CIMAP1D: variants seen among roughly 807,000 people sequenced by gnomAD.
CIMAP1D encodes the protein CIMAP1 family member D.
chr19:490,505 T>G, the CIMAP1D span, among the ~76,000 whole-genome samples: 1 of 152,268 alleles, frequency 6.6e-6, no homozygotes, highest in Non-Finnish European at 1.5e-5. Flanking sequence ...CAGAGCCCAG[T>G]GTGTATTTTG....
chr19:472,150 T>C, the CIMAP1D span, among the ~76,000 whole-genome samples: 1 of 152,216 alleles, frequency 6.6e-6, no homozygotes, highest in Non-Finnish European at 1.5e-5. Context: ...GTACAGGTAC[T>C]CACCTCCTTA....
At chr19:486,652 C>A in the CIMAP1D span, among the ~76,000 whole-genome samples, 3 of 151,782 alleles carry the variant, frequency 2.0e-5, no homozygotes, top group Non-Finnish European at 4.4e-5. Context: ...CGGTGGCTCA[C>A]GCCTGTAATC....
At chr19:475,454 A>T in the CIMAP1D span, among the ~76,000 whole-genome samples, 1 of 152,162 alleles carries the variant, frequency 6.6e-6, no homozygotes, top group Non-Finnish European at 1.5e-5. Context: ...ACGTGAGGGA[A>T]AACGCAGACA....
the CIMAP1D span, among the ~76,000 whole-genome samples, chr19:484,462 G>A: frequency 3.3e-5 from 5 of 152,258 alleles, no homozygotes; most frequent in African/African-American, 1.2e-4. Context: ...TTTTGACACA[G>A]GGTCTCATTC....
the CIMAP1D span, chr19:467,871 G>A: frequency 1.5e-6 from 1 of 682,382 alleles, no homozygotes; most frequent in Non-Finnish European, 2.5e-6. Context: ...CAGGTCAGAG[G>A]CCACCCCAGT....
the CIMAP1D span, among the ~76,000 whole-genome samples, chr19:483,979 G>A: frequency 6.6e-6 from 1 of 152,138 alleles, no homozygotes; most frequent in African/African-American, 2.4e-5. Flanking sequence ...GGTGACAGCT[G>A]TCCATCACTC....
At chr19:465,107 G>GAGGA in the CIMAP1D span, among the ~76,000 whole-genome samples, 1 of 101,672 alleles carries the variant, frequency 9.8e-6, no homozygotes, top group Admixed American at 1.1e-4. Flanking sequence ...GGGTGAGTGG[G>GAGGA]TGGATGGATG....
the CIMAP1D span, among the ~76,000 whole-genome samples, chr19:467,990 T>C: frequency 1.2e-3 from 181 of 152,314 alleles, no homozygotes; most frequent in Non-Finnish European, 2.1e-3. Flanking sequence ...GATTCTGCTC[T>C]GCTGCTGTTT....
the CIMAP1D span, chr19:463,759 C>A: frequency 6.6e-7 from 1 of 1,516,872 alleles, no homozygotes; most frequent in Non-Finnish European, 8.8e-7. Flanking sequence ...CCCAGCCCCT[C>A]TCGCCTTCTA....
chr19:463,826 G>A, the CIMAP1D span: 3 of 1,601,198 alleles, frequency 1.9e-6, no homozygotes, highest in South Asian at 2.2e-5. Context: ...CGTTCACTGT[G>A]TGGGAAACAG....
the CIMAP1D span, among the ~76,000 whole-genome samples, chr19:482,883 A>G: frequency 6.6e-6 from 1 of 151,920 alleles, no homozygotes; most frequent in Non-Finnish European, 1.5e-5. Context: ...GGCTATTCCC[A>G]CTTCACCTCC....
chr19:480,514 G>T, the CIMAP1D span, among the ~76,000 whole-genome samples: 67 of 102,036 alleles, frequency 6.6e-4, no homozygotes, highest in African/African-American at 4.0e-3. Context: ...GAAGGATGAT[G>T]GGGAAGGATG....
At chr19:486,905 C>T in the CIMAP1D span, among the ~76,000 whole-genome samples, 14 of 152,106 alleles carry the variant, frequency 9.2e-5, no homozygotes, top group African/African-American at 3.4e-4. Flanking sequence ...CAGAGCAAGA[C>T]TCCATCTCAA....
the CIMAP1D span, among the ~76,000 whole-genome samples, chr19:488,294 G>A: frequency 2.0e-5 from 3 of 151,678 alleles, no homozygotes; most frequent in African/African-American, 7.3e-5. Context: ...AGGCTGAGGC[G>A]GGCAGATCAC....
At chr19:466,911 ACGGG>A in the CIMAP1D span, among the ~76,000 whole-genome samples, 1 of 75,776 alleles carries the variant, frequency 1.3e-5, no homozygotes, top group Non-Finnish European at 2.5e-5. Flanking sequence ...GGGTGGATGG[ACGGG>A]TGGATAGATG....
chr19:466,517 T>G, the CIMAP1D span, among the ~76,000 whole-genome samples: 5 of 148,326 alleles, frequency 3.4e-5, no homozygotes, highest in Non-Finnish European at 7.5e-5. Flanking sequence ...GGTGGATGGA[T>G]GGGTGGATAG....
the CIMAP1D span, among the ~76,000 whole-genome samples, chr19:473,157 G>A: frequency 1.7e-5 from 2 of 117,884 alleles, no homozygotes; most frequent in African/African-American, 6.6e-5. Flanking sequence ...GGTCACAGAT[G>A]GGGAGACTGA....
the CIMAP1D span, among the ~76,000 whole-genome samples, chr19:487,598 AG>A: frequency 0.062 from 9,363 of 152,164 alleles, 596 homozygotes; most frequent in East Asian, 0.21. Flanking sequence ...TGAGCTCAGG[AG>A]GCGGAGGTTG....
chr19:464,103 G>C, the CIMAP1D span: 4 of 1,339,904 alleles, frequency 3.0e-6, no homozygotes, highest in Non-Finnish European at 3.9e-6. Flanking sequence ...GTACTGGCCC[G>C]GGCCTGGTAT....
Sources: allele counts gnomAD v4.1 joint callset (sites outside exome capture counted in the v4.1 genomes callset), GRCh38; gene constraint gnomAD v4.1.1; transcripts MANE v1.5; gene names NCBI Gene and HGNC (gene_info 2026-07-23, HGNC 2026-07-21).